Variants in EPHA6 observed in about 807,000 individuals in gnomAD.
EPHA6 encodes the protein EPH receptor A6.
Under a neutral mutation model 112.0 loss-of-function variants are expected in EPHA6, and 50 were observed. The ratio of observed to expected loss-of-function variants is 0.45; its 90% confidence interval spans 0.36 to 0.56. The LOEUF is 0.56. Among genes scored for constraint, EPHA6 ranks in the 20% least tolerant of loss-of-function variants. EPHA6 has a pLI of 0.00. For synonymous variants in EPHA6, 529 were observed against 490.7 expected (o/e 1.08, Z -1.03); for missense variants, 1,280 against 1,417.4 (o/e 0.90, Z 1.56).
At chr3:97,135,847 G>T (rs1176881563) in intron 3 of EPHA6, among the ~76,000 whole-genome samples, 1 of 151,212 alleles carries the variant, frequency 6.6e-6, no homozygotes, top group African/African-American at 2.4e-5. Flanking sequence ...CTAGACGCTG[G>T]ATTAAATGCC....
At chr3:97,290,494 T>A (rs1202243089) in intron 5 of EPHA6, among the ~76,000 whole-genome samples, 1 of 152,120 alleles carries the variant, frequency 6.6e-6, no homozygotes, top group Non-Finnish European at 1.5e-5. Flanking sequence ...ATTTCGTTAG[T>A]TTTCTGCATT....
At chr3:97,199,450 G>C (rs1231159035) in intron 3 of EPHA6, among the ~76,000 whole-genome samples, 1 of 152,084 alleles carries the variant, frequency 6.6e-6, no homozygotes, top group Non-Finnish European at 1.5e-5. Flanking sequence ...GATTTAATTG[G>C]CCTGGCAAAC....
intron 5 of EPHA6, among the ~76,000 whole-genome samples, chr3:97,260,225 A>G (rs2079455500): frequency 6.6e-6 from 1 of 152,244 alleles, no homozygotes; most frequent in South Asian, 2.1e-4. Context: ...CCCTAAAGGA[A>G]GAATAGCATT....
At chr3:97,194,450 T>A (rs2077388014) in intron 3 of EPHA6, among the ~76,000 whole-genome samples, 1 of 152,088 alleles carries the variant, frequency 6.6e-6, no homozygotes, top group Admixed American at 6.6e-5. Context: ...ATGATTTAAT[T>A]TTTTTGAAAT....
At chr3:97,648,291 C>T (rs1463746089) in intron 14 of EPHA6, 5 of 1,165,538 alleles carry the variant, frequency 4.3e-6, no homozygotes, top group Non-Finnish European at 6.5e-6. Flanking sequence ...CATAGGACCT[C>T]TTCCAAACTC....
chr3:97,564,890 C>G (rs951813294), intron 11 of EPHA6, among the ~76,000 whole-genome samples: 4 of 152,116 alleles, frequency 2.6e-5, no homozygotes, highest in Admixed American at 1.3e-4. Context: ...AAGTAAATAT[C>G]TGGCATATAT....
chr3:97,617,148 C>G (rs896215769), intron 13 of EPHA6, among the ~76,000 whole-genome samples: 1 of 152,004 alleles, frequency 6.6e-6, no homozygotes, highest in South Asian at 2.1e-4. Flanking sequence ...GAAAGAGATT[C>G]CAACCCAGAA....
intron 12 of EPHA6, among the ~76,000 whole-genome samples, chr3:97,593,432 G>A (rs190096663): frequency 6.6e-6 from 1 of 152,148 alleles, no homozygotes; most frequent in Admixed American, 6.5e-5. Flanking sequence ...TGTACCTAAA[G>A]GATGCAATCT....
At chr3:97,411,243 G>C (rs754505753) in intron 6 of EPHA6, among the ~76,000 whole-genome samples, 14 of 152,076 alleles carry the variant, frequency 9.2e-5, no homozygotes, top group Admixed American at 1.3e-4. Context: ...GTGGAAGCTT[G>C]TCTGGCTTAG....
At chr3:96,890,660 C>T (rs2037900157) in intron 2 of EPHA6, among the ~76,000 whole-genome samples, 1 of 152,080 alleles carries the variant, frequency 6.6e-6, no homozygotes, top group Non-Finnish European at 1.5e-5. Flanking sequence ...AATGACTAAA[C>T]TGAAAACAAA....
At chr3:97,639,944 A>G (rs2093986045) in intron 14 of EPHA6, among the ~76,000 whole-genome samples, 1 of 135,622 alleles carries the variant, frequency 7.4e-6, no homozygotes, top group African/African-American at 2.6e-5. Context: ...GGCAAATAAT[A>G]TAATCAAGTT....
Position 96,842,234 on chromosome 3 carries a change from T to A in EPHA6, c.386-24591T>A, listed in dbSNP as rs2034794149. Among the ~76,000 whole-genome samples the A allele has an allele frequency of 2.0e-5, 3 of 152,098 alleles. No homozygotes were observed. In the South Asian group the frequency reaches 6.2e-4, roughly 32 times the overall value. On this transcript the variant is annotated intron_variant, in intron 1 of 17. Transcript: ENST00000389672. ...ATGACAGAACTAGAAATGCTTTCAA[T>A]TTCATACAATAACATGGAAAATCTC...
chr3:97,248,216 G>C (rs913481957), intron 5 of EPHA6, among the ~76,000 whole-genome samples: 1 of 151,950 alleles, frequency 6.6e-6, no homozygotes, highest in Non-Finnish European at 1.5e-5. Context: ...TCATCATAAG[G>C]AATCTTTGCA....
In EPHA6 at chr3:97,758,175, G is replaced by A. The variant is rs1353495637; in HGVS notation, c.*9474G>A. Among the ~76,000 whole-genome samples, 1 of 151,878 alleles carries A rather than the reference G, an allele frequency of 6.6e-6. No individual in the cohort carries two copies. The highest frequency in any genetic ancestry group is 2.4e-5 in the African/African-American group (1 of 41,400). On this transcript the variant is annotated 3_prime_UTR_variant, in exon 18 of 18. Coordinates refer to ENST00000389672, the MANE Select transcript of EPHA6 (RefSeq NM_001080448.3). ...GAGTGAAAAGCTACTCCATTTACGT[G>A]TAATCTGCTTATTTTCTTCAGAGTT... is the stretch of plus-strand genomic sequence containing the variant.
intron 3 of EPHA6, among the ~76,000 whole-genome samples, chr3:96,992,089 G>C (rs954172732): frequency 6.6e-6 from 1 of 152,112 alleles, no homozygotes; most frequent in Non-Finnish European, 1.5e-5. Context: ...ATTGCAACTA[G>C]CAACATGCTA....
At chr3:97,354,514 GAAGA>G (rs1172504165) in intron 5 of EPHA6, among the ~76,000 whole-genome samples, 4 of 151,946 alleles carry the variant, frequency 2.6e-5, no homozygotes, top group Non-Finnish European at 2.9e-5. Context: ...TGATCAAGCA[GAAGA>G]AAGAATGAGC....
chr3:97,455,997 G>C (rs1406363516), intron 7 of EPHA6, among the ~76,000 whole-genome samples: 1 of 151,976 alleles, frequency 6.6e-6, no homozygotes, highest in Non-Finnish European at 1.5e-5. Context: ...AAATGGGCTG[G>C]AAAGAAAATC....
chr3:97,605,065 C>T (rs1228904518), intron 12 of EPHA6, among the ~76,000 whole-genome samples: 1 of 151,380 alleles, frequency 6.6e-6, no homozygotes, highest in Non-Finnish European at 1.5e-5. Flanking sequence ...AATACTGTAC[C>T]GTAAGTGTTC....
At chr3:97,556,677 C>A (rs1298503708) in intron 11 of EPHA6, among the ~76,000 whole-genome samples, 1 of 151,928 alleles carries the variant, frequency 6.6e-6, no homozygotes, top group Non-Finnish European at 1.5e-5. Context: ...GGGACAGAGC[C>A]AAACAATATC....
Sources: allele counts gnomAD v4.1 joint callset (sites outside exome capture counted in the v4.1 genomes callset), GRCh38; gene constraint gnomAD v4.1.1; transcripts MANE v1.5; gene names NCBI Gene and HGNC (gene_info 2026-07-23, HGNC 2026-07-21).